The following CYSLTR2 variants were observed in gnomAD, a reference collection of about 807,000 sequenced individuals.
The protein encoded by CYSLTR2 is cysteinyl leukotriene receptor 2.
For missense variants in CYSLTR2, 398 were observed against 411.9 expected (o/e 0.97, Z 0.29); for synonymous variants, 179 against 160.8 (o/e 1.11, Z -0.86).
intron 1 of CYSLTR2, among the ~76,000 whole-genome samples, chr13:48,679,779 C>T (rs892735669): frequency 6.6e-5 from 10 of 152,104 alleles, no homozygotes; most frequent in South Asian, 4.2e-4. Flanking sequence ...TGCCTTTCCC[C>T]GGAGCCCTTG....
intron 1 of CYSLTR2, among the ~76,000 whole-genome samples, chr13:48,684,624 A>G (rs1451947181): frequency 6.6e-6 from 1 of 152,058 alleles, no homozygotes; most frequent in African/African-American, 2.4e-5. Flanking sequence ...AACCTCTCAT[A>G]TAATACAACA....
intron 1 of CYSLTR2, among the ~76,000 whole-genome samples, chr13:48,668,449 T>C (rs1953326265): frequency 6.6e-6 from 1 of 152,064 alleles, no homozygotes; most frequent in Non-Finnish European, 1.5e-5. Flanking sequence ...ACCCAGGTCT[T>C]GGCTACCTGG....
intron 2 of CYSLTR2, among the ~76,000 whole-genome samples, chr13:48,691,579 G>A (rs1954039969): frequency 3.9e-5 from 6 of 152,058 alleles, no homozygotes; most frequent in Admixed American, 3.9e-4. Context: ...ACTATGCTGT[G>A]ACTACTAGAG....
chr13:48,705,373 T>A (rs1456726993), intron 4 of CYSLTR2, among the ~76,000 whole-genome samples: 9 of 152,130 alleles, frequency 5.9e-5, no homozygotes, highest in Non-Finnish European at 1.3e-4. Context: ...CATTCCTCTA[T>A]CTTTTAATTG....
intron 1 of CYSLTR2, among the ~76,000 whole-genome samples, chr13:48,667,493 A>C (rs571379589): frequency 1.2e-4 from 18 of 152,310 alleles, no homozygotes; most frequent in Non-Finnish European, 2.6e-4. Flanking sequence ...GGGGCAACCC[A>C]TTAGGCTGTT....
intron 1 of CYSLTR2, among the ~76,000 whole-genome samples, chr13:48,665,087 T>C (rs575363241): frequency 2.0e-5 from 3 of 152,222 alleles, no homozygotes; most frequent in South Asian, 2.1e-4. Context: ...TTCAGAAGCA[T>C]GTTGCTTAAT....
intron 1 of CYSLTR2, among the ~76,000 whole-genome samples, chr13:48,659,900 C>T (rs1476718716): frequency 6.6e-6 from 1 of 152,106 alleles, no homozygotes; most frequent in East Asian, 1.9e-4. Flanking sequence ...TCATAATCAG[C>T]ATCATAGACT....
At chr13:48,678,951 T>G (rs1320029240) in intron 1 of CYSLTR2, among the ~76,000 whole-genome samples, 1 of 152,116 alleles carries the variant, frequency 6.6e-6, no homozygotes, top group East Asian at 1.9e-4. Context: ...ACTGTCCTCA[T>G]CTGCTGCCAG....
At chr13:48,669,556 G>A (rs1420743784) in intron 1 of CYSLTR2, among the ~76,000 whole-genome samples, 2 of 151,980 alleles carry the variant, frequency 1.3e-5, no homozygotes, top group Non-Finnish European at 2.9e-5. Flanking sequence ...GTGTTAGTCT[G>A]CTGAGAATGA....
intron 1 of CYSLTR2, among the ~76,000 whole-genome samples, chr13:48,684,496 T>G (rs891542640): frequency 2.0e-5 from 3 of 151,892 alleles, no homozygotes; most frequent in African/African-American, 7.3e-5. Flanking sequence ...CAGCTCATCC[T>G]TGGTAGCTAA....
At chr13:48,680,762 A>T (rs1030411022) in intron 1 of CYSLTR2, among the ~76,000 whole-genome samples, 1 of 148,198 alleles carries the variant, frequency 6.7e-6, no homozygotes, top group Non-Finnish European at 1.5e-5. Flanking sequence ...CACATCTAGC[A>T]GACGATTTTC....
intron 1 of CYSLTR2, among the ~76,000 whole-genome samples, chr13:48,667,659 C>G (rs1022041071): frequency 2.0e-5 from 3 of 152,146 alleles, no homozygotes; most frequent in Non-Finnish European, 4.4e-5. Context: ...TTTCTCAGGG[C>G]CAAGACTCAA....
intron 1 of CYSLTR2, among the ~76,000 whole-genome samples, chr13:48,674,387 A>G (rs896720616): frequency 3.3e-5 from 5 of 152,262 alleles, no homozygotes; most frequent in East Asian, 1.9e-4. Context: ...AATCTCTGAT[A>G]TCCTTTCTTC....
chr13:48,702,353 A>G (rs1167155911), intron 4 of CYSLTR2, among the ~76,000 whole-genome samples: 4 of 152,202 alleles, frequency 2.6e-5, no homozygotes, highest in Admixed American at 6.5e-5. Context: ...GCACATGTAT[A>G]CATATGTAAC....
At chr13:48,703,115 T>C (rs1245280260) in intron 4 of CYSLTR2, among the ~76,000 whole-genome samples, 1 of 152,110 alleles carries the variant, frequency 6.6e-6, no homozygotes, top group African/African-American at 2.4e-5. Context: ...AAATATAATA[T>C]ATTTTCTGTT....
chr13:48,698,287 C>G (rs925598243), intron 4 of CYSLTR2, among the ~76,000 whole-genome samples: 1 of 152,164 alleles, frequency 6.6e-6, no homozygotes, highest in African/African-American at 2.4e-5. Flanking sequence ...TAGGGTTACC[C>G]ACAAAGGGAA....
At chr13:48,671,901 T>C (rs1830469752) in intron 1 of CYSLTR2, among the ~76,000 whole-genome samples, 1 of 152,038 alleles carries the variant, frequency 6.6e-6, no homozygotes, top group South Asian at 2.1e-4. Context: ...AGAATCCATC[T>C]GGTCCTGGAT....
intron 1 of CYSLTR2, among the ~76,000 whole-genome samples, chr13:48,659,466 T>C (rs1402468353): frequency 6.6e-6 from 1 of 152,222 alleles, no homozygotes; most frequent in Non-Finnish European, 1.5e-5. Context: ...GAAATACACA[T>C]GATGTTTAAC....
chr13:48,673,363 C>T (rs2138860822), intron 1 of CYSLTR2, among the ~76,000 whole-genome samples: 1 of 151,746 alleles, frequency 6.6e-6, no homozygotes, highest in Admixed American at 6.6e-5. Context: ...TATGTGATTC[C>T]CTTCTTTGCC....
Sources: allele counts gnomAD v4.1 joint callset (sites outside exome capture counted in the v4.1 genomes callset), GRCh38; gene constraint gnomAD v4.1.1; transcripts MANE v1.5; gene names NCBI Gene and HGNC (gene_info 2026-07-23, HGNC 2026-07-21).